The following KIF5C variants were observed in gnomAD, a reference collection of about 807,000 sequenced individuals.
The protein encoded by KIF5C is kinesin family member 5C.
Under a neutral mutation model 125.2 loss-of-function variants are expected in KIF5C, and 18 were observed. The observed-to-expected ratio is 0.14, with a 90% CI of 0.10 to 0.21. KIF5C has a LOEUF of 0.21. Ranked by LOEUF, KIF5C falls within the 10% of genes least tolerant of loss-of-function variation. The pLI, the probability that KIF5C is intolerant of heterozygous loss-of-function variation, is 1.00. For synonymous variants in KIF5C, 405 were observed against 434.0 expected, an observed-to-expected ratio of 0.93 and a Z score of 0.83; for missense variants, 780 against 1,183.8, an observed-to-expected ratio of 0.66 and a Z score of 5.01.
chr2:148,888,865 A>G (rs1681629957), intron 1 of KIF5C: 1 of 151,806 alleles, frequency 6.6e-6, no homozygotes, highest in Non-Finnish European at 1.5e-5. Context: ...TACTCCATAA[A>G]CAGTTTCCAT....
At chr2:149,019,243 TAGTGCCCGTATCAC>T (rs1312626105) in intron 25 of KIF5C, among the ~76,000 whole-genome samples, 5 of 152,196 alleles carry the variant, frequency 3.3e-5, no homozygotes, top group African/African-American at 1.2e-4. Context: ...GTTGGGATCA[TAGTGCCCGTATCAC>T]AGGCTTGTCT....
chr2:149,020,589 T>G (rs1682504788), intron 25 of KIF5C, among the ~76,000 whole-genome samples: 1 of 152,160 alleles, frequency 6.6e-6, no homozygotes, highest in African/African-American at 2.4e-5. Context: ...GTCAACACGG[T>G]TTGGCTGCAA....
intron 1 of KIF5C, among the ~76,000 whole-genome samples, chr2:148,906,878 T>G (rs780917018): frequency 2.6e-5 from 4 of 151,344 alleles, no homozygotes; most frequent in African/African-American, 9.7e-5. Context: ...AATAAATAGA[T>G]AAATTAATTA....
intron 19 of KIF5C, among the ~76,000 whole-genome samples, chr2:148,999,656 G>A (rs6756617): frequency 0.016 from 2,415 of 152,270 alleles, 61 homozygotes; most frequent in African/African-American, 0.055. Context: ...TCACAGATTC[G>A]ACTGGAAGGG....
rs188097415 is a variant in KIF5C, at chr2:148,995,970, C to G, written c.2024-1294C>G. Reference sequence around the variant, plus strand: ...AGGAGTTCGAGACCAGCCTGGCCAACATGGTGAAACCCTGTCTCTACTAAA... The same window carrying G: ...AGGAGTTCGAGACCAGCCTGGCCAAGATGGTGAAACCCTGTCTCTACTAAA... On this transcript the variant is annotated intron_variant, in intron 17 of 25. Coordinates refer to ENST00000435030, the MANE Select transcript of KIF5C (RefSeq NM_004522.3). 2.0e-3 allele frequency among the ~76,000 whole-genome samples: 304 copies of G among 152,216 alleles called. 3 individuals are homozygous for G. The highest frequency in any genetic ancestry group is 5.8e-3 in the African/African-American group (242 of 41,530).
At chr2:149,018,359 G>A (rs1037864706) in intron 25 of KIF5C, among the ~76,000 whole-genome samples, 15 of 152,144 alleles carry the variant, frequency 9.9e-5, no homozygotes, top group South Asian at 4.1e-4. Context: ...CAAGCACTCC[G>A]TGCTCATCTG....
rs968556774 is a variant in KIF5C at position 148,997,274 on chromosome 2, C to T, written c.2034C>T (p.His678=). The T allele has an allele frequency of 7.4e-6, 12 of 1,612,074 alleles. No homozygotes were observed. The highest frequency in any genetic ancestry group is 1.6e-4 in the Middle Eastern group (1 of 6,084). ...LAKLRAQEKM[H]EVSFQDKEKE... ...TAAAATTCAAAACAGAAAAAATGCA[C>T]GAAGTCAGCTTCCAGGATAAGGAGA... Residue 678 remains histidine (H), a synonymous_variant, in exon 18 of 26, where the codon CAC becomes CAT. Transcript: ENST00000435030.
At chr2:148,904,201 T>C (rs566937343) in intron 1 of KIF5C, among the ~76,000 whole-genome samples, 1 of 152,354 alleles carries the variant, frequency 6.6e-6, no homozygotes, top group South Asian at 2.1e-4. Flanking sequence ...TTGTCTTAAT[T>C]GTGCTTAAGA....
At chr2:148,931,189 A>C (rs1682177372) in intron 3 of KIF5C, among the ~76,000 whole-genome samples, 1 of 152,240 alleles carries the variant, frequency 6.6e-6, no homozygotes, top group Admixed American at 6.5e-5. Flanking sequence ...AGCAACCTGC[A>C]TTATTTAAAA....
At chr2:148,968,559 C>T (rs1239716469) in intron 11 of KIF5C, among the ~76,000 whole-genome samples, 1 of 152,090 alleles carries the variant, frequency 6.6e-6, no homozygotes, top group East Asian at 1.9e-4. Flanking sequence ...CAACCAAACT[C>T]TGTAATAGAA....
At position 148,915,432 on chromosome 2, in the gene KIF5C, C is replaced by T. The variant is rs543239788; in HGVS notation, c.127-6705C>T. On this transcript the variant is annotated intron_variant, in intron 1 of 25. Coordinates refer to ENST00000435030, the MANE Select transcript of KIF5C (RefSeq NM_004522.3). The stretch of plus-strand genomic sequence containing the variant: ...ATAATTCCCTGGGTGGATGTGGCCC[C>T]GTGGGACCATTGCTTGGCAAGTGAC... Among the ~76,000 whole-genome samples the T allele has an allele frequency of 7.2e-5, 11 of 152,264 alleles. 1 individual carries two copies. The highest frequency in any genetic ancestry group is 2.6e-4 in the Admixed American group (4 of 15,306).
At chr2:148,889,477 A>G (rs1681646488) in intron 1 of KIF5C, among the ~76,000 whole-genome samples, 1 of 152,182 alleles carries the variant, frequency 6.6e-6, no homozygotes, top group Non-Finnish European at 1.5e-5. Flanking sequence ...CCACTCCCCA[A>G]CATCCATCAA....
At chr2:149,010,688 G>T (rs1476671501) in intron 24 of KIF5C, among the ~76,000 whole-genome samples, 1 of 152,256 alleles carries the variant, frequency 6.6e-6, no homozygotes, top group African/African-American at 2.4e-5. Context: ...ATATTTCTCT[G>T]CAAGGTGTGA....
chr2:148,946,496 C>G (rs1682522427), intron 7 of KIF5C, among the ~76,000 whole-genome samples: 2 of 152,160 alleles, frequency 1.3e-5, no homozygotes. Flanking sequence ...GGCTTATGCA[C>G]ATGACTAAGA....
chr2:148,972,795 G>C (rs144043539), intron 11 of KIF5C, among the ~76,000 whole-genome samples: 37 of 152,310 alleles, frequency 2.4e-4, no homozygotes, highest in African/African-American at 8.9e-4. Flanking sequence ...TCTAGTCTTG[G>C]ATCCAGGGCT....
chr2:148,880,617 TC>T (rs1011892597), intron 1 of KIF5C, among the ~76,000 whole-genome samples: 4 of 152,230 alleles, frequency 2.6e-5, no homozygotes, highest in Admixed American at 2.6e-4. Context: ...TGCATTTCCA[TC>T]TAAAAGCAGT....
chr2:148,937,068 G>A (rs192277808), intron 3 of KIF5C, among the ~76,000 whole-genome samples: 20 of 152,280 alleles, frequency 1.3e-4, no homozygotes, highest in African/African-American at 4.6e-4. Flanking sequence ...CAGAACAAGT[G>A]CTCCCCTGCT....
chr2:148,953,810 T>C (rs1265827688), intron 10 of KIF5C, among the ~76,000 whole-genome samples: 1 of 152,236 alleles, frequency 6.6e-6, no homozygotes. Flanking sequence ...AAGAGTCCTG[T>C]TAGCATTCTT....
At chr2:148,895,845 G>GAC (rs1161081970) in intron 1 of KIF5C, among the ~76,000 whole-genome samples, 2 of 41,830 alleles carry the variant, frequency 4.8e-5, no homozygotes, top group African/African-American at 1.7e-4. Flanking sequence ...TTTTCTGTGT[G>GAC]ACACACACAC....
Sources: allele counts gnomAD v4.1 joint callset (sites outside exome capture counted in the v4.1 genomes callset), GRCh38; gene constraint gnomAD v4.1.1; transcripts MANE v1.5; gene names NCBI Gene and HGNC (gene_info 2026-07-23, HGNC 2026-07-21).